FBLN2: variants seen among roughly 807,000 people sequenced by gnomAD.
The protein encoded by FBLN2 is fibulin-2.
In FBLN2, 81 loss-of-function variants were observed where a neutral mutation model predicts 123.7. The observed-to-expected ratio is 0.65, with a 90% CI of 0.55 to 0.79. The LOEUF (loss-of-function observed/expected upper bound fraction) is 0.79. FBLN2 is among the 30% of genes least tolerant of loss of function. FBLN2 has a pLI of 0.00. For missense variants in FBLN2, 1,603 were observed against 1,681.3 expected (o/e 0.95, Z 0.81); for synonymous variants, 699 against 701.4 (o/e 1.00, Z 0.05).
At chr3:13,629,669 C>A in intron 13 of FBLN2, 151 bp from the exon 14 acceptor site, 1 of 1,126,636 alleles carries the variant, frequency 8.9e-7, no homozygotes, top group Non-Finnish European at 1.2e-6. Context: ...GGTCTCTTTG[C>A]CTCTCTCTTT....
At chr3:13,636,288 C>A (rs1465200380) in intron 16 of FBLN2, among the ~76,000 whole-genome samples, 157 bp from the exon 17 acceptor site, 1 of 152,152 alleles carries the variant, frequency 6.6e-6, no homozygotes, top group Admixed American at 6.5e-5. Context: ...TGCGGGGTGC[C>A]GAGCAGGTGA....
At chr3:13,614,342 A>C (rs1185863326) in intron 5 of FBLN2, among the ~76,000 whole-genome samples, 178 bp downstream of exon 5, 4 of 152,006 alleles carry the variant, frequency 2.6e-5, no homozygotes, top group East Asian at 3.9e-4. Flanking sequence ...CCACCAACTT[A>C]ACCACCAACT....
chr3:13,554,236 G>C (rs1330023001), intron 1 of FBLN2, among the ~76,000 whole-genome samples: 3 of 152,186 alleles, frequency 2.0e-5, no homozygotes, highest in African/African-American at 4.8e-5. Flanking sequence ...GCAGCCACCT[G>C]TGTCTCCCGT....
At chr3:13,569,837 G>A (rs1464316931) in intron 1 of FBLN2, among the ~76,000 whole-genome samples, 1 of 63,536 alleles carries the variant, frequency 1.6e-5, no homozygotes, top group African/African-American at 4.3e-5. Context: ...GCGTGGGACT[G>A]TGCGTGTGAG....
chr3:13,604,281 TG>T (rs1416404365), intron 2 of FBLN2, among the ~76,000 whole-genome samples: 27 of 152,356 alleles, frequency 1.8e-4, no homozygotes, highest in African/African-American at 6.0e-4. Flanking sequence ...CCCTTGCTTT[TG>T]GTGTTTTAGA....
chr3:13,617,487 C>T (rs1218952323), intron 5 of FBLN2, among the ~76,000 whole-genome samples: 4 of 151,016 alleles, frequency 2.6e-5, no homozygotes, highest in Admixed American at 6.6e-5. Flanking sequence ...CTCATTCATC[C>T]GTCTACCCAT....
chr3:13,622,634 C>T (rs905461469), intron 9 of FBLN2, among the ~76,000 whole-genome samples: 1 of 152,254 alleles, frequency 6.6e-6, no homozygotes, highest in Non-Finnish European at 1.5e-5. Context: ...GCCTGCACAT[C>T]GCCCGGGTTG....
intron 1 of FBLN2, among the ~76,000 whole-genome samples, chr3:13,557,610 G>T (rs1056875165): frequency 6.6e-6 from 1 of 152,184 alleles, no homozygotes; most frequent in Non-Finnish European, 1.5e-5. Context: ...GAGCTCAGAA[G>T]CTCTGGAGCA....
At chr3:13,604,698 A>G (rs1705147007) in intron 2 of FBLN2, among the ~76,000 whole-genome samples, 1 of 152,204 alleles carries the variant, frequency 6.6e-6, no homozygotes, top group Non-Finnish European at 1.5e-5. Flanking sequence ...ATGTTCCCCC[A>G]TTGAGTATGA....
Position 13,614,152 on chromosome 3 carries a change from G to A in FBLN2, c.1717G>A (p.Ala573Thr), listed in dbSNP as rs766493373. ...TCGCCGACCTCCAGAGCCCGCAGCT[G>A]CACCACGGAGAGGTGAGTGCTGCTC... ...EVRRPPEPAAAPRRVSEAEMA... is the reference protein window; with the variant it reads ...EVRRPPEPAATPRRVSEAEMA... The change falls in exon 5 of 18, where the codon GCA becomes ACA. Residue 573 changes from alanine to threonine, a missense_variant. Transcript: ENST00000404922. The A allele has an allele frequency of 1.2e-6, 2 of 1,611,576 alleles. No individual in the cohort carries two copies. Among genetic ancestry groups the A allele is most frequent in the South Asian group, 2.2e-5 (2 of 91,064 alleles).
At position 13,626,498 on chromosome 3, in the gene FBLN2, G is replaced by A. The variant is rs770269701; in HGVS notation, c.2350G>A (p.Val784Met). Residue 784 changes from valine to methionine, a missense_variant, in exon 10 of 18, where the codon GTG becomes ATG. Coordinates refer to ENST00000404922, the MANE Select transcript of FBLN2 (RefSeq NM_001004019.2). ...CACGTGCAGCCGGGGCGAGCACTGT[G>A]TGAACACACTGGGCTCCTTCCACTG... The part of the protein sequence containing the change: ...LHTCSRGEHC[V>M]NTLGSFHCYK... The A allele has an allele frequency of 3.8e-6, 6 of 1,573,874 alleles. No homozygotes were observed. The South Asian group carries it at 5.8e-5, about 15-fold the overall frequency.
chr3:13,616,045 G>A (rs1296365099), intron 5 of FBLN2, among the ~76,000 whole-genome samples: 1 of 152,218 alleles, frequency 6.6e-6, no homozygotes, highest in African/African-American at 2.4e-5. Context: ...TCTCCCATCA[G>A]GGTGAGGCAG....
intron 2 of FBLN2, 32 bp from the exon 3 acceptor site, chr3:13,608,030 A>G (rs373371453): frequency 2.0e-6 from 3 of 1,533,058 alleles, no homozygotes; most frequent in Non-Finnish European, 2.7e-6. Context: ...TGACTTATGA[A>G]TGGTGACTCT....
intron 4 of FBLN2, 121 bp from the exon 5 acceptor site, chr3:13,613,863 G>C (rs1211055532): frequency 1.5e-5 from 17 of 1,105,680 alleles, no homozygotes; most frequent in Non-Finnish European, 2.0e-5. Context: ...CTGGGAGAGC[G>C]CATAGTCTGG....
intron 1 of FBLN2, among the ~76,000 whole-genome samples, chr3:13,552,627 C>T (rs954640841): frequency 6.6e-6 from 1 of 152,086 alleles, no homozygotes; most frequent in Non-Finnish European, 1.5e-5. Context: ...CAGAGGGGAC[C>T]ACAGGGCTGT....
At chr3:13,613,055 A>T (rs1443385359) in intron 4 of FBLN2, among the ~76,000 whole-genome samples, 1 of 152,120 alleles carries the variant, frequency 6.6e-6, no homozygotes, top group Non-Finnish European at 1.5e-5. Context: ...CTTGGCTGGG[A>T]TGACTTGTTT....
chr3:13,549,454 G>A (rs1349152023), intron 1 of FBLN2, among the ~76,000 whole-genome samples: 1 of 151,846 alleles, frequency 6.6e-6, no homozygotes, highest in African/African-American at 2.4e-5. Context: ...GGCGCGGGGT[G>A]GGGGCCAGGG....
At chr3:13,606,720 C>T (rs1705216007) in intron 2 of FBLN2, among the ~76,000 whole-genome samples, 1 of 152,138 alleles carries the variant, frequency 6.6e-6, no homozygotes, top group Non-Finnish European at 1.5e-5. Flanking sequence ...GGAATGATCT[C>T]AGCTCACCAC....
At chr3:13,605,139 G>A (rs774623004) in intron 2 of FBLN2, among the ~76,000 whole-genome samples, 1 of 152,204 alleles carries the variant, frequency 6.6e-6, no homozygotes, top group Non-Finnish European at 1.5e-5. Flanking sequence ...GTTGCCCTCA[G>A]CACGAATGTC....
Sources: gnomAD v4.1 joint callset for allele counts (sites outside exome capture counted in the v4.1 genomes callset) on GRCh38, gnomAD v4.1.1 for gene constraint, MANE v1.5 for transcripts, NCBI Gene and HGNC (gene_info 2026-07-23, HGNC 2026-07-21) for gene names.